PLXND1: variants seen among roughly 807,000 people sequenced by gnomAD.
PLXND1 encodes the protein plexin D1.
Under a neutral mutation model 197.7 loss-of-function variants are expected in PLXND1, and 54 were observed. That is an observed-to-expected ratio of 0.27 (90% CI 0.22 to 0.34). PLXND1 has a LOEUF of 0.34. Among genes scored for constraint, PLXND1 ranks in the 10% least tolerant of loss-of-function variants. PLXND1 has a pLI of 1.00. For synonymous variants in PLXND1, 1,180 were observed against 1,161.2 expected (o/e 1.02, Z -0.33); for missense variants, 2,127 against 2,699.2 (o/e 0.79, Z 4.70).
intron 25 of PLXND1, among the ~76,000 whole-genome samples, chr3:129,564,189 C>T (rs996936802): frequency 6.6e-6 from 1 of 152,258 alleles, no homozygotes; most frequent in Non-Finnish European, 1.5e-5. Flanking sequence ...CCCACTACCC[C>T]CTTCCCCCAG....
In PLXND1 at chr3:129,571,612, G is replaced by C. The variant is rs1002048897; in HGVS notation, c.3246-13C>G. On this transcript the variant is annotated splice_polypyrimidine_tract_variant and intron_variant, in intron 16 of 35. Transcript: ENST00000324093. ...GGTCCTGCCGCCACTGCGGGGGACA[G>C]CAAAACCTATCAGTGCACCTGCAGC... 1.9e-6 allele frequency: 3 copies of C among 1,613,720 alleles called. No homozygotes were observed. Among genetic ancestry groups the C allele is most frequent in the African/African-American group, 2.7e-5 (2 of 74,938 alleles).
intron 1 of PLXND1, among the ~76,000 whole-genome samples, chr3:129,592,623 C>T (rs989470420): frequency 1.3e-5 from 2 of 152,128 alleles, no homozygotes; most frequent in South Asian, 4.1e-4. Flanking sequence ...CCCCCCTCCC[C>T]CACCCCGCGC....
rs759625605 is a variant in PLXND1, at chr3:129,605,773, C to T, written c.867G>A (p.Pro289=). 1 of 1,573,932 alleles carries T rather than the reference C, an allele frequency of 6.4e-7. No individual in the cohort carries two copies. Among genetic ancestry groups the T allele is most frequent in the Non-Finnish European group, 8.6e-7 (1 of 1,161,140 alleles). Residue 289 remains proline, a synonymous_variant, in exon 1 of 36, where the codon CCG becomes CCA. Coordinates refer to ENST00000324093, the MANE Select transcript of PLXND1 (RefSeq NM_015103.3). The part of the protein sequence containing the change: ...FVSAFLHPSD[P]PPGAQSYAYL... Reference sequence around the variant, plus strand: ...ACGCGTAGGACTGTGCACCCGGCGGCGGGTCGGACGGGTGCAGGAAGGCGC... The same window carrying T: ...ACGCGTAGGACTGTGCACCCGGCGGTGGGTCGGACGGGTGCAGGAAGGCGC...
chr3:129,599,081 G>C (rs1280504700), intron 1 of PLXND1, among the ~76,000 whole-genome samples: 1 of 152,206 alleles, frequency 6.6e-6, no homozygotes, highest in Non-Finnish European at 1.5e-5. Flanking sequence ...CGGAGGCCCA[G>C]GTAGGGGAAG....
At chr3:129,564,295 G>C (rs2085106521) in intron 25 of PLXND1, among the ~76,000 whole-genome samples, 1 of 152,256 alleles carries the variant, frequency 6.6e-6, no homozygotes, top group Admixed American at 6.5e-5. Flanking sequence ...GGCCCACAGA[G>C]GGCAATGAGT....
chr3:129,563,001 G>A (rs2085084023), intron 26 of PLXND1, 58 bp from the exon 27 acceptor site: 1 of 1,606,890 alleles, frequency 6.2e-7, no homozygotes. Context: ...CTATGTCAGT[G>A]CCCAGGCAGC....
At chr3:129,574,242 C>T in intron 12 of PLXND1, 94 bp downstream of exon 12, 1 of 1,186,960 alleles carries the variant, frequency 8.4e-7, no homozygotes, top group Non-Finnish European at 1.2e-6. Flanking sequence ...GGTGTATGTG[C>T]CGTTTGGGTC....
rs538571074 is a variant in PLXND1 at position 129,580,229 on chromosome 3, C to A, written c.2242-1796G>T. On this transcript the variant is annotated intron_variant, in intron 8 of 35. Transcript: ENST00000324093. ...CCTAGGGACAGGGTCTGGTGCAGAC[C>A]TCAGGGGCTTGGCAAGAGAAGCAGC... is the stretch of plus-strand genomic sequence containing the variant. 9.4e-4 allele frequency among the ~76,000 whole-genome samples: 135 copies of A among 144,094 alleles called. 1 individual carries two copies. The Middle Eastern group carries it at 0.011, about 12-fold the overall frequency. 94.5% of individuals were successfully genotyped at this position (144,094 alleles called of 152,430 possible).
In PLXND1 at chr3:129,605,753, T is replaced by C. The variant is rs1465782551; in HGVS notation, c.887A>G (p.Tyr296Cys). 1.9e-5 allele frequency: 29 copies of C among 1,558,024 alleles called. No homozygotes were observed. The highest frequency in any genetic ancestry group is 2.4e-5 in the Non-Finnish European group (28 of 1,152,764). Residue 296 changes from tyrosine to cysteine, a missense_variant, in exon 1 of 36, where the codon TAC (tyrosine) becomes TGC (cysteine). This residue lies in a region of PLXND1 where 1,095 missense variants were observed against 1,259.8 expected (regional missense o/e 0.87). Coordinates refer to ENST00000324093, the MANE Select transcript of PLXND1 (RefSeq NM_015103.3). Reference sequence around the variant, plus strand: ...CTCGCTGTTGAGCGCCAGGTACGCGTAGGACTGTGCACCCGGCGGCGGGTC... The same window carrying C: ...CTCGCTGTTGAGCGCCAGGTACGCGCAGGACTGTGCACCCGGCGGCGGGTC... ...PSDPPPGAQS[Y>C]AYLALNSEAR...
intron 22 of PLXND1, 21 bp from the exon 23 acceptor site, chr3:129,566,652 C>T: frequency 1.4e-6 from 2 of 1,475,664 alleles, no homozygotes; most frequent in Non-Finnish European, 1.9e-6. Context: ...AGACCCCCAG[C>T]ATCTCAGCGG....
At chr3:129,596,758 C>T (rs1172861630) in intron 1 of PLXND1, among the ~76,000 whole-genome samples, 1 of 152,242 alleles carries the variant, frequency 6.6e-6, no homozygotes, top group Non-Finnish European at 1.5e-5. Context: ...CCTCGGGGTC[C>T]AGCCCATATG....
intron 1 of PLXND1, among the ~76,000 whole-genome samples, chr3:129,596,953 C>T (rs913676419): frequency 1.1e-4 from 17 of 152,322 alleles, no homozygotes; most frequent in African/African-American, 2.4e-4. Flanking sequence ...TGCCCACATC[C>T]GAGCTCAGAG....
At chr3:129,585,350 G>A (rs919595432) in intron 5 of PLXND1, among the ~76,000 whole-genome samples, 1 of 152,204 alleles carries the variant, frequency 6.6e-6, no homozygotes. Flanking sequence ...CCCCAGGCCT[G>A]TCTGACCCTC....
chr3:129,566,763 G>C, intron 22 of PLXND1, 132 bp from the exon 23 acceptor site: 1 of 599,098 alleles, frequency 1.7e-6, no homozygotes, highest in Non-Finnish European at 3.0e-6. Flanking sequence ...TCCCCATAAA[G>C]GACTAAGAGG....
intron 1 of PLXND1, 45 bp downstream of exon 1, chr3:129,605,284 C>CCCGCCGCCGCCG (rs3832259): frequency 8.9e-6 from 7 of 783,998 alleles, no homozygotes; most frequent in East Asian, 4.0e-5. Flanking sequence ...CGCCCCCGCC[C>CCCGCCGCCGCCG]CCGCCGCCGC....
chr3:129,571,692 C>T lies in PLXND1; in HGVS notation c.3230G>A (p.Arg1077His), dbSNP rs764196524. 45 of 1,613,884 alleles carry T rather than the reference C, an allele frequency of 2.8e-5. No individual in the cohort carries two copies. Among genetic ancestry groups the T allele is most frequent in the African/African-American group, 1.9e-4 (14 of 75,042 alleles). The change falls in exon 16 of 36, where the codon CGC (arginine) becomes CAC (histidine). Residue 1077 changes from arginine to histidine, a missense_variant. Arg to His is a conservative substitution (Grantham distance 29). This residue lies in a region of PLXND1 where 532 missense variants were observed against 811.0 expected (regional missense o/e 0.66). Transcript: ENST00000324093. ...CCAGTCTCACCTGACAGGGCTGCGG[C>T]GGGGACTGATGGCCGTGATGACCGG... ...QNPVITAISP[R>H]RSPVSGGRTI...
rs550332947 is a variant in PLXND1 at position 129,593,845 on chromosome 3, C to T, written c.1312-4318G>A. The stretch of plus-strand genomic sequence containing the variant: ...CCCTCTCTCACATGGGATGAGCAAC[C>T]GCCGCTGGTTTCGGCCCCGTTTTGA... On this transcript the variant is annotated intron_variant, in intron 1 of 35. Transcript: ENST00000324093. 4.7e-4 allele frequency among the ~76,000 whole-genome samples: 71 copies of T among 152,306 alleles called. 2 individuals are homozygous for T. The South Asian group carries it at 7.9e-3, about 17-fold the overall frequency.
chr3:129,562,857 C>T lies in PLXND1; in HGVS notation c.4755G>A (p.Glu1585=). ...TCTTGCAGAAGGCCTCCAGGATCTTCTCCTTGACCTGTGTCAGCGTGTCGG... is the reference window on the plus strand; with the variant it reads ...TCTTGCAGAAGGCCTCCAGGATCTTTTCCTTGACCTGTGTCAGCGTGTCGG... ...MDTDTLTQVK[E]KILEAFCKNV... is the part of the protein sequence containing the mutation. The change falls in exon 27 of 36, where the codon GAG becomes GAA. Residue 1585 remains glutamate (E), a synonymous_variant. Transcript: ENST00000324093. 5.0e-6 allele frequency: 8 copies of T among 1,612,418 alleles called. 1 individual carries two copies. In the South Asian group the frequency reaches 8.8e-5, roughly 18 times the overall value.
rs911874930 is a variant in PLXND1 at position 129,578,406 on chromosome 3, G to A, written c.2269C>T (p.Leu757Phe). The change falls in exon 9 of 36, where the codon CTC (leucine) becomes TTC (phenylalanine). Residue 757 changes from leucine to phenylalanine, a missense_variant. Leu to Phe is a conservative substitution (Grantham distance 22). Transcript: ENST00000324093. Reference sequence around the variant, plus strand: ...GTAGGCACGGGTGCCAGGGGTGAGAGCAGGGTCCGGGGGCAGTCCTGAGGG... The same window carrying A: ...GTAGGCACGGGTGCCAGGGGTGAGAACAGGGTCCGGGGGCAGTCCTGAGGG... Reference protein sequence around the residue: ...TSPQDCPRTLLSPLAPVPTGG... With the variant: ...TSPQDCPRTLFSPLAPVPTGG... The A allele has an allele frequency of 6.2e-7, 1 of 1,601,734 alleles. No homozygotes were observed. Among genetic ancestry groups the A allele is most frequent in the Non-Finnish European group, 8.5e-7 (1 of 1,174,900 alleles).
Sources: allele counts gnomAD v4.1 joint callset (sites outside exome capture counted in the v4.1 genomes callset), GRCh38; gene constraint gnomAD v4.1.1; regional missense constraint gnomAD v4.1.1; transcripts MANE v1.5; gene names NCBI Gene and HGNC (gene_info 2026-07-23, HGNC 2026-07-21).